ZNF804A: variants seen among roughly 807,000 people sequenced by gnomAD.
ZNF804A encodes zinc finger protein 804A.
A neutral mutation model predicts 16.5 loss-of-function variants in ZNF804A; 2 were observed. The observed-to-expected ratio is 0.12, with a 90% CI of 0.05 to 0.38. The LOEUF (loss-of-function observed/expected upper bound fraction) is 0.38, where lower values mean the gene tolerates loss of function less well. Ranked by LOEUF, ZNF804A falls within the 10% of genes least tolerant of loss-of-function variation. The pLI is 0.99. For synonymous variants in ZNF804A, 534 were observed against 489.6 expected, an observed-to-expected ratio of 1.09 and a Z score of -1.20; for missense variants, 1,473 against 1,390.7, an observed-to-expected ratio of 1.06 and a Z score of -0.94.
chr2:184,663,541 C>G (rs923650436), intron 1 of ZNF804A, among the ~76,000 whole-genome samples: 7 of 152,238 alleles, frequency 4.6e-5, no homozygotes, highest in Admixed American at 3.9e-4. Context: ...CAGTAGGAGG[C>G]AGACAGACTC....
chr2:184,743,890 C>A (rs1415676411), intron 1 of ZNF804A, among the ~76,000 whole-genome samples: 1 of 151,806 alleles, frequency 6.6e-6, no homozygotes, highest in Non-Finnish European at 1.5e-5. Context: ...AGTATAAAAG[C>A]CTAAGGTGAA....
chr2:184,607,846 C>T (rs1559106638), intron 1 of ZNF804A, among the ~76,000 whole-genome samples: 1 of 151,190 alleles, frequency 6.6e-6, no homozygotes, highest in Non-Finnish European at 1.5e-5. Flanking sequence ...CCAGAAATAC[C>T]AGGACACAAC....
intron 1 of ZNF804A, among the ~76,000 whole-genome samples, chr2:184,799,590 A>G (rs946145230): frequency 2.0e-5 from 3 of 152,102 alleles, no homozygotes; most frequent in African/African-American, 7.2e-5. Context: ...TAGTGCAATC[A>G]CAGCTCACTG....
At chr2:184,713,246 G>T (rs534723143) in intron 1 of ZNF804A, among the ~76,000 whole-genome samples, 453 of 151,654 alleles carry the variant, frequency 3.0e-3, no homozygotes, top group African/African-American at 0.011. Context: ...TTTTTTTCAT[G>T]ATCCAGTTCT....
rs73980335 is a variant in ZNF804A, at chr2:184,902,333, G to T, written c.256-31270G>T. ...TCTTCATGGCAGAATCAGTGGTCAG[G>T]GGGAACTTGATGATGGCATAGTGGT... On this transcript the variant is annotated intron_variant, in intron 2 of 3. Transcript: ENST00000302277. 313 of 155,428 alleles carry T rather than the reference G, an allele frequency of 2.0e-3. 3 individuals carry two copies. The highest frequency in any genetic ancestry group is 7.3e-3 in the African/African-American group (303 of 41,612). 9.6% of individuals were successfully genotyped at this position (155,428 alleles called of 1,614,324 possible). A position where few individuals can be genotyped will look rare whatever the true frequency, so the allele number is the denominator to read the frequency against.
chr2:184,720,727 T>C (rs963562185), intron 1 of ZNF804A, among the ~76,000 whole-genome samples: 12 of 152,174 alleles, frequency 7.9e-5, no homozygotes, highest in African/African-American at 2.2e-4. Flanking sequence ...AAAGTACCGA[T>C]GTCATTTTTC....
intron 1 of ZNF804A, among the ~76,000 whole-genome samples, chr2:184,641,516 A>G (rs913353236): frequency 6.6e-6 from 1 of 152,176 alleles, no homozygotes; most frequent in African/African-American, 2.4e-5. Flanking sequence ...TGTCAACTCA[A>G]AAATGTATGC....
At chr2:184,669,225 A>G (rs1692303365) in intron 1 of ZNF804A, among the ~76,000 whole-genome samples, 1 of 152,096 alleles carries the variant, frequency 6.6e-6, no homozygotes, top group African/African-American at 2.4e-5. Flanking sequence ...ATACACTGAG[A>G]ATACATATTT....
chr2:184,598,944 A>G lies in ZNF804A; in HGVS notation c.-16A>G, dbSNP rs1254354502. On this transcript the variant is annotated 5_prime_UTR_variant, in exon 1 of 4. Transcript: ENST00000302277. ...GTGGAAGCGGCGGCTGCGGCGGAGG[A>G]GGCGGCGGCTGCCCCATGGAGTGTT... The G allele has an allele frequency of 1.3e-6, 2 of 1,515,876 alleles. No homozygotes were observed. Among genetic ancestry groups the G allele is most frequent in the African/African-American group, 1.4e-5 (1 of 69,674 alleles). 93.9% of individuals were successfully genotyped at this position (1,515,876 alleles called of 1,614,324 possible).
At chr2:184,748,850 C>T (rs1018678763) in intron 1 of ZNF804A, among the ~76,000 whole-genome samples, 8 of 151,392 alleles carry the variant, frequency 5.3e-5, no homozygotes, top group Admixed American at 4.6e-4. Context: ...GGAGTCCTTT[C>T]CTCATTGCTT....
At chr2:184,929,990 C>A (rs1477682903) in intron 2 of ZNF804A, among the ~76,000 whole-genome samples, 2 of 152,094 alleles carry the variant, frequency 1.3e-5, no homozygotes, top group Non-Finnish European at 2.9e-5. Context: ...TATGTTCACT[C>A]CTTATTTCTG....
At chr2:184,714,039 T>C (rs984739761) in intron 1 of ZNF804A, among the ~76,000 whole-genome samples, 1 of 152,056 alleles carries the variant, frequency 6.6e-6, no homozygotes, top group African/African-American at 2.4e-5. Flanking sequence ...GGATTAAATA[T>C]TTAACAGTTA....
chr2:184,715,228 T>G (rs1369139675), intron 1 of ZNF804A, among the ~76,000 whole-genome samples: 2 of 152,158 alleles, frequency 1.3e-5, no homozygotes, highest in African/African-American at 4.8e-5. Context: ...GACCTATTAT[T>G]GGGTAATGAG....
chr2:184,719,894 C>T (rs182890374), intron 1 of ZNF804A, among the ~76,000 whole-genome samples: 50 of 152,294 alleles, frequency 3.3e-4, no homozygotes, highest in Non-Finnish European at 6.8e-4. Context: ...GTCACTTCCA[C>T]ATTTTTTGGT....
chr2:184,887,872 C>A (rs55914275), intron 2 of ZNF804A, among the ~76,000 whole-genome samples: 22,213 of 152,022 alleles, frequency 0.15, 1,767 homozygotes, highest in Middle Eastern at 0.24. Flanking sequence ...AACACAGGAA[C>A]AGAAAACCAA....
At chr2:184,660,666 C>A (rs1692158779) in intron 1 of ZNF804A, among the ~76,000 whole-genome samples, 1 of 152,204 alleles carries the variant, frequency 6.6e-6, no homozygotes, top group Non-Finnish European at 1.5e-5. Flanking sequence ...TTGTGTTTGC[C>A]TTCTAGAAAC....
chr2:184,849,464 G>C (rs1423974676), intron 1 of ZNF804A, among the ~76,000 whole-genome samples: 1 of 151,882 alleles, frequency 6.6e-6, no homozygotes, highest in Non-Finnish European at 1.5e-5. Context: ...GAACTAGGCT[G>C]CTAGTATTAT....
intron 1 of ZNF804A, among the ~76,000 whole-genome samples, chr2:184,761,237 C>A (rs1286327900): frequency 6.6e-6 from 1 of 152,116 alleles, no homozygotes; most frequent in East Asian, 1.9e-4. Context: ...ATTATGCATA[C>A]AGGCAAGCAC....
chr2:184,647,037 T>C (rs1404842700), intron 1 of ZNF804A, among the ~76,000 whole-genome samples: 1 of 152,156 alleles, frequency 6.6e-6, no homozygotes, highest in Non-Finnish European at 1.5e-5. Flanking sequence ...TGCAGCTAGC[T>C]CTTACTTATA....
Sources: allele counts gnomAD v4.1 joint callset (sites outside exome capture counted in the v4.1 genomes callset), GRCh38; gene constraint gnomAD v4.1.1; transcripts MANE v1.5; gene names NCBI Gene and HGNC (gene_info 2026-07-23, HGNC 2026-07-21).